The following ATP9A variants were observed in gnomAD, a reference collection of about 807,000 sequenced individuals.
ATP9A encodes the protein probable phospholipid-transporting ATPase IIA.
ATP9A carries 52 observed loss-of-function variants against 144.1 expected under a neutral mutation model. The ratio of observed to expected loss-of-function variants is 0.36; its 90% confidence interval spans 0.29 to 0.45. The LOEUF (loss-of-function observed/expected upper bound fraction) is 0.45, where lower values mean the gene tolerates loss of function less well. Ranked by LOEUF, ATP9A falls within the 20% of genes least tolerant of loss-of-function variation. The pLI, the probability that ATP9A is intolerant of heterozygous loss-of-function variation, is 1.00. For missense variants in ATP9A, 947 were observed against 1,392.7 expected, an observed-to-expected ratio of 0.68 and a Z score of 5.09; for synonymous variants, 582 against 557.4, an observed-to-expected ratio of 1.04 and a Z score of -0.62.
Position 51,611,936 on chromosome 20 carries a change from T to G in ATP9A, c.2571+1741A>C, listed in dbSNP as rs2077186391. ...TGGGGTGTAGCCAGTGGACGGAAAA[T>G]TCTCATGTACCCAAAGCAGCACTAC... On this transcript the variant is annotated intron_variant, in intron 23 of 27. Transcript: ENST00000338821. The surrounding 1 kb of genome is among the most constrained non-coding windows in gnomAD (Gnocchi z 4.2). 6.6e-6 allele frequency among the ~76,000 whole-genome samples: 1 copy of G among 152,174 alleles called. No individual in the cohort carries two copies. Among genetic ancestry groups the G allele is most frequent in the Admixed American group, 6.5e-5 (1 of 15,282 alleles).
rs267605994 is a variant in ATP9A, at chr20:51,671,138, G to A, written c.1157C>T (p.Ser386Leu). ...STIPEQLGRISYLLTDKTGTL... is the reference protein window; with the variant it reads ...STIPEQLGRILYLLTDKTGTL... ...ACCTGTCTTGTCTGTGAGTAAGTAC[G>A]AAATCCTGCCCAGCTGCTCAGGAAT... The change falls in exon 12 of 28, where the codon TCG becomes TTG. Residue 386 changes from serine (S) to leucine (L), a missense_variant. Ser to Leu is a moderately radical substitution (Grantham distance 145). Transcript: ENST00000338821. The A allele has an allele frequency of 5.6e-6, 9 of 1,613,992 alleles. No homozygotes were observed. Among genetic ancestry groups the A allele is most frequent in the South Asian group, 2.2e-5 (2 of 91,062 alleles).
intron 9 of ATP9A, among the ~76,000 whole-genome samples, chr20:51,681,727 C>T (rs13038547): frequency 0.27 from 41,431 of 151,944 alleles, 6,742 homozygotes; most frequent in African/African-American, 0.45. Context: ...CAGCCTCCAT[C>T]CGAAACTTCT....
intron 1 of ATP9A, among the ~76,000 whole-genome samples, chr20:51,737,541 G>C (rs2077767663): frequency 6.6e-6 from 1 of 152,072 alleles, no homozygotes; most frequent in East Asian, 1.9e-4. Context: ...AACCCCAGTT[G>C]GACTAAGAAG....
intron 9 of ATP9A, among the ~76,000 whole-genome samples, chr20:51,677,247 A>G (rs904528879): frequency 1.3e-5 from 2 of 152,054 alleles, no homozygotes; most frequent in South Asian, 4.1e-4. Flanking sequence ...CAGCCACACT[A>G]TGAGAACATC....
At chr20:51,750,990 G>A (rs773823221) in intron 1 of ATP9A, among the ~76,000 whole-genome samples, 15 of 152,150 alleles carry the variant, frequency 9.9e-5, no homozygotes, top group Non-Finnish European at 1.6e-4. Flanking sequence ...AGAGCTCTAC[G>A]TCCAACAAGA....
At position 51,613,688 on chromosome 20, in the gene ATP9A, T is replaced by C; in HGVS notation, c.2560A>G (p.Ser854Gly). ...QFVIHRSLCI[S>G]TMQAVFSSVF... ...AGCTGTCCACTCACCTGCATGGTGC[T>C]GATACAGAGGCTCCTGTGAATCACG... is the stretch of plus-strand genomic sequence containing the variant. The change falls in exon 23 of 28, where the codon AGC (serine) becomes GGC (glycine). Residue 854 changes from serine to glycine, a missense_variant. By Grantham distance (56) the Ser-to-Gly change is moderately conservative. This residue lies in a region of ATP9A where 177 missense variants were observed against 344.9 expected (regional missense o/e 0.51). Transcript: ENST00000338821. 1 of 1,614,034 alleles carries C rather than the reference T, an allele frequency of 6.2e-7. No individual in the cohort carries two copies. The highest frequency in any genetic ancestry group is 8.5e-7 in the Non-Finnish European group (1 of 1,179,944).
intron 14 of ATP9A, among the ~76,000 whole-genome samples, chr20:51,646,896 C>T (rs1471039130): frequency 6.6e-6 from 1 of 152,090 alleles, no homozygotes; most frequent in Non-Finnish European, 1.5e-5. Context: ...GTGGGCGGAT[C>T]ACCTGAGGTA....
At chr20:51,677,400 T>C (rs2077482046) in intron 9 of ATP9A, among the ~76,000 whole-genome samples, 1 of 152,168 alleles carries the variant, frequency 6.6e-6, no homozygotes, top group African/African-American at 2.4e-5. Flanking sequence ...TTCATGGCCA[T>C]ATAAGCTAGT....
intron 9 of ATP9A, among the ~76,000 whole-genome samples, chr20:51,684,871 C>G (rs1290778861): frequency 6.6e-6 from 1 of 150,396 alleles, no homozygotes; most frequent in East Asian, 2.0e-4. Context: ...ATTAGCCTGG[C>G]GTAGTGGCAG....
intron 13 of ATP9A, among the ~76,000 whole-genome samples, chr20:51,665,256 T>G (rs1345123767): frequency 6.6e-6 from 1 of 151,878 alleles, no homozygotes; most frequent in African/African-American, 2.4e-5. Flanking sequence ...CAGGGGGGTT[T>G]GGGAACTCAA....
chr20:51,630,835 C>T (rs1169531376), intron 15 of ATP9A, among the ~76,000 whole-genome samples: 2 of 152,158 alleles, frequency 1.3e-5, no homozygotes, highest in Middle Eastern at 3.2e-3. Context: ...GATGTTATCG[C>T]ACAAATTACA....
At position 51,601,291 on chromosome 20, in the gene ATP9A, C is replaced by T. The variant is rs773639681; in HGVS notation, c.3064G>A (p.Val1022Ile). 1.2e-6 allele frequency: 2 copies of T among 1,613,668 alleles called. No individual in the cohort carries two copies. Among genetic ancestry groups the T allele is most frequent in the South Asian group, 2.2e-5 (2 of 91,022 alleles). Residue 1022 changes from valine (V) to isoleucine (I), a missense_variant, in exon 28 of 28, where the codon GTC becomes ATC. By Grantham distance (29) the Val-to-Ile change is conservative. This residue lies in a region of ATP9A where 177 missense variants were observed against 344.9 expected (regional missense o/e 0.51). Coordinates refer to ENST00000338821, the MANE Select transcript of ATP9A (RefSeq NM_006045.3). ...AGGACATAGAGGGGGAGGCAGCTGA[C>T]CAGAGTGATGACGGAGACTTTCCAC... ...FLWKVSVITL[V>I]SCLPLYVLKY...
At chr20:51,675,509 A>T (rs1601097207) in intron 10 of ATP9A, among the ~76,000 whole-genome samples, 1 of 152,212 alleles carries the variant, frequency 6.6e-6, no homozygotes, top group African/African-American at 2.4e-5. Flanking sequence ...CAGGGCTGTT[A>T]TGAAGATGAA....
chr20:51,616,608 C>T (rs370076644), intron 22 of ATP9A, among the ~76,000 whole-genome samples: 6 of 152,298 alleles, frequency 3.9e-5, no homozygotes, highest in South Asian at 2.1e-4. Flanking sequence ...CGTGAGCCAC[C>T]GCTTCCAGCC....
chr20:51,715,719 G>T lies in ATP9A; in HGVS notation c.328-2645C>A, dbSNP rs1225395458. Among the ~76,000 whole-genome samples, 6 of 152,320 alleles carry T rather than the reference G, an allele frequency of 3.9e-5. No homozygotes were observed. The East Asian group carries it at 1.2e-3, about 29-fold the overall frequency. On this transcript the variant is annotated intron_variant, in intron 3 of 27. Coordinates refer to ENST00000338821, the MANE Select transcript of ATP9A (RefSeq NM_006045.3). ...GACAGGGTTTCACCGTATTGGCCAG[G>T]CTGGTGAAATTGCCTTACAAAGAGA...
intron 14 of ATP9A, among the ~76,000 whole-genome samples, chr20:51,645,910 T>A (rs2077340510): frequency 6.6e-6 from 1 of 152,222 alleles, no homozygotes; most frequent in Admixed American, 6.5e-5. Context: ...GGGGCTTGCA[T>A]CTCACTGCTG....
chr20:51,727,995 C>T (rs534009527), intron 2 of ATP9A, among the ~76,000 whole-genome samples: 1 of 151,910 alleles, frequency 6.6e-6, no homozygotes, highest in Non-Finnish European at 1.5e-5. Flanking sequence ...CAGTCAAATC[C>T]TCCCCTGGGG....
chr20:51,728,687 G>C (rs1027966123), intron 2 of ATP9A, among the ~76,000 whole-genome samples: 2 of 151,760 alleles, frequency 1.3e-5, no homozygotes, highest in African/African-American at 4.8e-5. Flanking sequence ...CATGGCTTGA[G>C]CCCAGGAGTC....
rs1454971612 is a variant in ATP9A at position 51,676,137 on chromosome 20, T to C, written c.871A>G (p.Ser291Gly). 1 of 1,612,820 alleles carries C rather than the reference T, an allele frequency of 6.2e-7. No homozygotes were observed. The highest frequency in any genetic ancestry group is 1.7e-5 in the Admixed American group (1 of 59,902). The change falls in exon 10 of 28, where the codon AGT (serine) becomes GGT (glycine). Residue 291 changes from serine to glycine, a missense_variant. Ser to Gly is a moderately conservative substitution (Grantham distance 56). This residue lies in a region of ATP9A where 770 missense variants were observed against 1,047.9 expected (regional missense o/e 0.73). Transcript: ENST00000338821. ...RSVMNTSNPR[S>G]KIGLFDLEVN... is the part of the protein sequence containing the mutation. Reference sequence around the variant, plus strand: ...CCCCATGACCTCGTACACACCTTACTTCGGGGATTTGAGGTATTCATGACA... The same window carrying C: ...CCCCATGACCTCGTACACACCTTACCTCGGGGATTTGAGGTATTCATGACA...
Sources: gnomAD v4.1 joint callset for allele counts (sites outside exome capture counted in the v4.1 genomes callset) on GRCh38, gnomAD v4.1.1 for gene constraint, gnomAD v4.1.1 regional missense constraint, Gnocchi (gnomAD v3.1) non-coding constraint, MANE v1.5 for transcripts, NCBI Gene and HGNC (gene_info 2026-07-23, HGNC 2026-07-21) for gene names.